SEMA5A: variants seen among roughly 807,000 people sequenced by gnomAD.
The protein encoded by SEMA5A is semaphorin-5A.
Under a neutral mutation model 135.5 loss-of-function variants are expected in SEMA5A, and 55 were observed. The observed-to-expected ratio is 0.41, with a 90% confidence interval of 0.33 to 0.51. SEMA5A has a LOEUF of 0.51. Ranked by LOEUF, SEMA5A falls within the 20% of genes least tolerant of loss-of-function variation. The probability of loss-of-function intolerance (pLI) is 0.37; values close to 1 mark genes in which losing one functional copy is unlikely to be tolerated. For synonymous variants in SEMA5A, 580 were observed against 546.5 expected (o/e 1.06, Z -0.85); for missense variants, 1,290 against 1,419.9 (o/e 0.91, Z 1.47).
intron 15 of SEMA5A, among the ~76,000 whole-genome samples, chr5:9,112,123 C>A (rs1206455887): frequency 1.3e-5 from 2 of 152,144 alleles, no homozygotes; most frequent in Non-Finnish European, 2.9e-5. Flanking sequence ...CACAGATGTA[C>A]CTCATGATGT....
chr5:9,514,239 C>T (rs964085278), intron 1 of SEMA5A, among the ~76,000 whole-genome samples: 1 of 152,166 alleles, frequency 6.6e-6, no homozygotes, highest in African/African-American at 2.4e-5. Flanking sequence ...AGGACTCTCA[C>T]GATTACATTT....
chr5:9,083,880 C>T (rs1221251800), intron 16 of SEMA5A, among the ~76,000 whole-genome samples: 1 of 152,210 alleles, frequency 6.6e-6, no homozygotes, highest in Non-Finnish European at 1.5e-5. Context: ...ATTCAGGACT[C>T]TCTGTCTGAC....
chr5:9,460,477 T>G (rs879586431), intron 1 of SEMA5A, among the ~76,000 whole-genome samples: 2 of 152,134 alleles, frequency 1.3e-5, no homozygotes, highest in Admixed American at 1.3e-4. Flanking sequence ...TATTTATGAA[T>G]TAATTTAAAC....
intron 4 of SEMA5A, among the ~76,000 whole-genome samples, chr5:9,322,593 G>C (rs959486039): frequency 1.3e-5 from 2 of 152,096 alleles, no homozygotes; most frequent in Non-Finnish European, 2.9e-5. Flanking sequence ...TAATAATATA[G>C]AGTCTAAGAA....
intron 2 of SEMA5A, among the ~76,000 whole-genome samples, chr5:9,431,140 T>C (rs561282754): frequency 6.6e-6 from 1 of 152,146 alleles, no homozygotes; most frequent in Non-Finnish European, 1.5e-5. Flanking sequence ...CTTGGGTAGG[T>C]ACCTCACCTT....
intron 6 of SEMA5A, among the ~76,000 whole-genome samples, chr5:9,228,596 T>C (rs576685693): frequency 7.2e-5 from 11 of 152,290 alleles, no homozygotes; most frequent in African/African-American, 2.4e-4. Context: ...CAGAAACCAA[T>C]GTGCAGGATA....
intron 16 of SEMA5A, among the ~76,000 whole-genome samples, chr5:9,107,724 T>G (rs1739999457): frequency 6.6e-6 from 1 of 152,098 alleles, no homozygotes; most frequent in Non-Finnish European, 1.5e-5. Context: ...CAGCATCTAG[T>G]GTGTGTAGAG....
intron 8 of SEMA5A, among the ~76,000 whole-genome samples, chr5:9,210,585 G>A (rs1205318282): frequency 3.3e-5 from 5 of 152,142 alleles, no homozygotes; most frequent in Admixed American, 2.6e-4. Context: ...CATTTGTAAC[G>A]CTGGTATTTC....
chr5:9,385,116 T>C (rs1295550365), intron 2 of SEMA5A, among the ~76,000 whole-genome samples: 1 of 152,220 alleles, frequency 6.6e-6, no homozygotes, highest in Non-Finnish European at 1.5e-5. Flanking sequence ...GTGCGTCTAC[T>C]TCAAAACCCC....
intron 8 of SEMA5A, among the ~76,000 whole-genome samples, chr5:9,211,038 T>C (rs1388671515): frequency 6.6e-6 from 1 of 152,198 alleles, no homozygotes; most frequent in Admixed American, 6.5e-5. Flanking sequence ...CATAGGCAAC[T>C]GGCAATGGCT....
intron 15 of SEMA5A, among the ~76,000 whole-genome samples, chr5:9,111,297 A>C (rs1477951311): frequency 6.6e-6 from 1 of 152,130 alleles, no homozygotes; most frequent in East Asian, 1.9e-4. Flanking sequence ...ACAACAACAA[A>C]AAAATGGGTA....
intron 2 of SEMA5A, among the ~76,000 whole-genome samples, chr5:9,408,668 T>C (rs919272692): frequency 2.0e-5 from 3 of 152,164 alleles, no homozygotes; most frequent in Non-Finnish European, 4.4e-5. Context: ...ACTATTATTA[T>C]CCTCATTTTT....
intron 1 of SEMA5A, among the ~76,000 whole-genome samples, chr5:9,467,728 G>A (rs1207833081): frequency 1.1e-4 from 16 of 152,176 alleles, no homozygotes. Flanking sequence ...GCCTGGAGGT[G>A]GGAGCCGGGG....
chr5:9,202,009 C>T lies in SEMA5A; in HGVS notation c.878G>A (p.Ser293Asn), dbSNP rs115230248. Reference sequence around the variant, plus strand: ...ATCCAGCTCAGGCAGGAAGAAAGTACTCTGCAATTCGTTGTAGTAAAAGGG... The same window carrying T: ...ATCCAGCTCAGGCAGGAAGAAAGTATTCTGCAATTCGTTGTAGTAAAAGGG... ...EVPFYYNELQ[S>N]TFFLPELDLI... The change falls in exon 9 of 23, where the codon AGT becomes AAT. Residue 293 changes from serine to asparagine, a missense_variant. By Grantham distance (46) the Ser-to-Asn change is conservative. Around this residue, in one of 3 missense-constraint regions of SEMA5A, gnomAD observed 1,029 missense variants for 1,086.6 expected, o/e 0.95. Transcript: ENST00000382496. 3.7e-4 allele frequency: 593 copies of T among 1,614,188 alleles called. 2 individuals carry two copies. In the African/African-American group the frequency reaches 7.1e-3, roughly 19 times the overall value.
rs3063993 is a variant in SEMA5A at position 9,049,151 on chromosome 5, A to ATTATTTATTTATTTATTTAT, written c.2893+1239_2893+1258dup. Among the ~76,000 whole-genome samples, 181 of 149,278 alleles carry ATTATTTATTTATTTATTTAT rather than the reference A, an allele frequency of 1.2e-3. 2 individuals are homozygous for ATTATTTATTTATTTATTTAT. In the East Asian group the frequency reaches 0.031, roughly 25 times the overall value. ...AATGTCACAGATAGTGAGCTCTTCTATTATTTATTTATTTATTTATTTATT... is the reference window on the plus strand; with the variant it reads ...AATGTCACAGATAGTGAGCTCTTCTATTATTTATTTATTTATTTATTTATTTATTTATTTATTTATTTATT... On this transcript the variant is annotated intron_variant, in intron 21 of 22. Transcript: ENST00000382496.
At chr5:9,481,954 G>T (rs1405320883) in intron 1 of SEMA5A, among the ~76,000 whole-genome samples, 2 of 152,154 alleles carry the variant, frequency 1.3e-5, no homozygotes, top group African/African-American at 4.8e-5. Context: ...AGCACAAAAT[G>T]GAAATCACAT....
intron 5 of SEMA5A, among the ~76,000 whole-genome samples, chr5:9,313,034 T>C (rs1257804057): frequency 6.6e-6 from 1 of 152,084 alleles, no homozygotes; most frequent in Non-Finnish European, 1.5e-5. Flanking sequence ...AGCCAGGAAG[T>C]GTGCTGGCTG....
intron 12 of SEMA5A, among the ~76,000 whole-genome samples, chr5:9,146,302 T>C (rs972561183): frequency 6.6e-6 from 1 of 152,238 alleles, no homozygotes; most frequent in African/African-American, 2.4e-5. Context: ...CTGCCATTTC[T>C]CTATTTTTAA....
chr5:9,514,371 C>T (rs565661775), intron 1 of SEMA5A, among the ~76,000 whole-genome samples: 4 of 152,192 alleles, frequency 2.6e-5, no homozygotes, highest in Admixed American at 6.5e-5. Context: ...AGGACAGGGA[C>T]GTCTTTGGAG....
Sources: allele counts gnomAD v4.1 joint callset (sites outside exome capture counted in the v4.1 genomes callset), GRCh38; gene constraint gnomAD v4.1.1; regional missense constraint gnomAD v4.1.1; transcripts MANE v1.5; gene names NCBI Gene and HGNC (gene_info 2026-07-23, HGNC 2026-07-21).